Variants in USH2A observed in about 807,000 individuals in gnomAD.
USH2A encodes Usher syndrome 2A (autosomal recessive, mild).
Under a neutral mutation model 538.9 loss-of-function variants are expected in USH2A, and 443 were observed. The ratio of observed to expected loss-of-function variants is 0.82; its 90% CI spans 0.76 to 0.89. USH2A has a LOEUF of 0.89. Ranked by LOEUF, USH2A falls within the 40% of genes least tolerant of loss-of-function variation. USH2A has a pLI of 0.00. For missense variants in USH2A, 6,633 were observed against 6,324.8 expected (o/e 1.05, Z -1.65); for synonymous variants, 2,413 against 2,273.5 (o/e 1.06, Z -1.75).
At chr1:215,744,312 C>T (rs1416566460) in intron 58 of USH2A, among the ~76,000 whole-genome samples, 1 of 152,170 alleles carries the variant, frequency 6.6e-6, no homozygotes, top group Non-Finnish European at 1.5e-5. Context: ...TTTCACCATT[C>T]CTTCCTAAAG....
chr1:216,168,228 A>G (rs2034207755), intron 21 of USH2A, among the ~76,000 whole-genome samples: 1 of 152,154 alleles, frequency 6.6e-6, no homozygotes, highest in Admixed American at 6.6e-5. Flanking sequence ...TGAAGGGGAA[A>G]TTAAAATTAA....
intron 49 of USH2A, among the ~76,000 whole-genome samples, chr1:215,803,864 C>A (rs186445147): frequency 6.6e-6 from 1 of 152,174 alleles, no homozygotes; most frequent in East Asian, 1.9e-4. Flanking sequence ...GGAGGCATCA[C>A]GCTACCTGAC....
chr1:216,093,383 A>G (rs2032352313), intron 22 of USH2A, among the ~76,000 whole-genome samples: 1 of 152,150 alleles, frequency 6.6e-6, no homozygotes, highest in African/African-American at 2.4e-5. Context: ...CGAGTACTCT[A>G]AGCAATTGTG....
In USH2A at chr1:216,304,864, ACGG is replaced by A. The variant is rs1158870254; in HGVS notation, c.1645-12497_1645-12495del. On this transcript the variant is annotated intron_variant, in intron 9 of 71. Coordinates refer to ENST00000307340, the MANE Select transcript of USH2A (RefSeq NM_206933.4). Reference sequence around the variant, plus strand: ...TTGAGTCGATTTCCAATTTTATTTCACGGTGGTCTGAGAGAGTACTTGATATAA... The same window carrying A: ...TTGAGTCGATTTCCAATTTTATTTCATGGTCTGAGAGAGTACTTGATATAA... Among the ~76,000 whole-genome samples the A allele has an allele frequency of 6.0e-5, 8 of 132,956 alleles. No homozygotes were observed. In the South Asian group the frequency reaches 1.2e-3, roughly 20 times the overall value. 87.2% of individuals were successfully genotyped at this position (132,956 alleles called of 152,430 possible). A position where few individuals can be genotyped will look rare whatever the true frequency, so the allele number is the denominator to read the frequency against.
At chr1:216,276,087 C>T (rs1026325432) in intron 11 of USH2A, among the ~76,000 whole-genome samples, 2 of 152,112 alleles carry the variant, frequency 1.3e-5, no homozygotes, top group African/African-American at 2.4e-5. Flanking sequence ...TGCACAACCT[C>T]CTTATTACTT....
At chr1:216,130,177 C>T (rs1259424100) in intron 21 of USH2A, among the ~76,000 whole-genome samples, 2 of 151,812 alleles carry the variant, frequency 1.3e-5, no homozygotes, top group South Asian at 2.1e-4. Flanking sequence ...TTTATTTCCA[C>T]GGGTTACTGG....
chr1:216,000,617 G>A, intron 32 of USH2A, 55 bp from the exon 33 acceptor site: 1 of 1,597,098 alleles, frequency 6.3e-7, no homozygotes, highest in Non-Finnish European at 8.6e-7. Context: ...TTATTGAGGA[G>A]ATTTCACTCC....
chr1:216,170,671 A>C lies in USH2A; in HGVS notation c.4627+4581T>G, dbSNP rs560675991. Among the ~76,000 whole-genome samples the C allele has an allele frequency of 2.6e-5, 4 of 152,224 alleles. No homozygotes were observed. In the East Asian group the frequency reaches 7.7e-4, roughly 29 times the overall value. On this transcript the variant is annotated intron_variant, in intron 21 of 71. Coordinates refer to ENST00000307340, the MANE Select transcript of USH2A (RefSeq NM_206933.4). ...TCGCTAATAGGAAAAAATAAGTGAC[A>C]AGGAGAAAGAGGGTCACCTTTGGAA...
chr1:215,790,176 TGGCACC>T lies in USH2A; in HGVS notation c.10059_10064del (p.Pro3355_Val3356del). 4 of 1,614,104 alleles carry T rather than the reference TGGCACC, an allele frequency of 2.5e-6. No individual in the cohort carries two copies. Among genetic ancestry groups the T allele is most frequent in the Non-Finnish European group, 3.4e-6 (4 of 1,180,002 alleles). On this transcript the variant is annotated inframe_deletion, in exon 51 of 72. Coordinates refer to ENST00000307340, the MANE Select transcript of USH2A (RefSeq NM_206933.4). ...TAAGTTCAGTCTCACAGCATTTTACTGGCACCGGGTCATTCTTTTTAATATGTGCTT... is the reference window on the plus strand; with the variant it reads ...TAAGTTCAGTCTCACAGCATTTTACTGGGTCATTCTTTTTAATATGTGCTT...
chr1:215,944,498 T>C (rs531780), intron 37 of USH2A, among the ~76,000 whole-genome samples: 36,930 of 152,098 alleles, frequency 0.24, 4,996 homozygotes, highest in Non-Finnish European at 0.31. Flanking sequence ...CTTTGTTACA[T>C]CACTGCACCA....
At chr1:216,052,785 G>A (rs1335473767) in intron 30 of USH2A, among the ~76,000 whole-genome samples, 1 of 152,200 alleles carries the variant, frequency 6.6e-6, no homozygotes, top group Non-Finnish European at 1.5e-5. Context: ...TTGATTCTCA[G>A]TAAGTAGTGT....
intron 21 of USH2A, among the ~76,000 whole-genome samples, chr1:216,152,448 C>T (rs1012684460): frequency 6.6e-6 from 1 of 150,960 alleles, no homozygotes; most frequent in Non-Finnish European, 1.5e-5. Context: ...CCACTGAGCA[C>T]CTTGCGACCC....
chr1:216,256,938 G>A (rs1428979192), intron 11 of USH2A, among the ~76,000 whole-genome samples: 1 of 151,700 alleles, frequency 6.6e-6, no homozygotes, highest in Non-Finnish European at 1.5e-5. Context: ...GTCGTTCAAG[G>A]GTCAAGGGTA....
At chr1:216,259,491 C>A (rs777813784) in intron 11 of USH2A, among the ~76,000 whole-genome samples, 2 of 151,962 alleles carry the variant, frequency 1.3e-5, no homozygotes, top group Non-Finnish European at 2.9e-5. Context: ...CTATTGTGAT[C>A]AAGAGCCAGT....
Position 216,196,570 on chromosome 1 carries a change from G to A in USH2A, c.4234C>T (p.Pro1412Ser). The change falls in exon 19 of 72, where the codon CCC (proline) becomes TCC (serine). Residue 1412 changes from proline to serine, a missense_variant. Coordinates refer to ENST00000307340, the MANE Select transcript of USH2A (RefSeq NM_206933.4). The part of the protein sequence containing the change: ...LSEQSPQQSI[P>S]MAFSQLLHTA... ...AACAATACCTGTGAAAACGCCATGG[G>A]AATAGACTGTTGAGGTGATTGTTCA... The A allele has an allele frequency of 6.2e-7, 1 of 1,613,444 alleles. No homozygotes were observed. Among genetic ancestry groups the A allele is most frequent in the Non-Finnish European group, 8.5e-7 (1 of 1,179,612 alleles).
chr1:216,110,471 A>G (rs2032839491), intron 21 of USH2A, among the ~76,000 whole-genome samples: 1 of 152,232 alleles, frequency 6.6e-6, no homozygotes, highest in African/African-American at 2.4e-5. Context: ...TAAACAGTAG[A>G]CAATAACTTA....
At chr1:216,406,403 T>A (rs1470675334) in intron 3 of USH2A, among the ~76,000 whole-genome samples, 7 of 152,166 alleles carry the variant, frequency 4.6e-5, no homozygotes, top group Non-Finnish European at 1.5e-5. Flanking sequence ...ATGCCACAGA[T>A]TATGGTGATA....
At chr1:215,697,310 T>C (rs1486952020) in intron 61 of USH2A, among the ~76,000 whole-genome samples, 1 of 152,082 alleles carries the variant, frequency 6.6e-6, no homozygotes, top group African/African-American at 2.4e-5. Context: ...TTACTCTCTA[T>C]GGTTGTCTCT....
intron 3 of USH2A, among the ~76,000 whole-genome samples, chr1:216,391,592 C>G (rs2039108316): frequency 6.6e-6 from 1 of 152,164 alleles, no homozygotes; most frequent in African/African-American, 2.4e-5. Flanking sequence ...CCATTTGAGA[C>G]TTGCCCCTAG....
Sources: allele counts gnomAD v4.1 joint callset (sites outside exome capture counted in the v4.1 genomes callset), GRCh38; gene constraint gnomAD v4.1.1; transcripts MANE v1.5; gene names NCBI Gene and HGNC (gene_info 2026-07-23, HGNC 2026-07-21).